DTNB: variants seen among roughly 807,000 people sequenced by gnomAD.
DTNB encodes the protein DTN-B.
A neutral mutation model predicts 90.7 loss-of-function variants in DTNB; 63 were observed. The observed-to-expected ratio is 0.69, with a 90% CI of 0.57 to 0.86. The LOEUF is 0.86. Among genes scored for constraint, DTNB ranks in the 40% least tolerant of loss-of-function variants. DTNB has a pLI of 0.00. For missense variants in DTNB, 744 were observed against 807.1 expected, an observed-to-expected ratio of 0.92 and a Z score of 0.95; for synonymous variants, 277 against 286.7, an observed-to-expected ratio of 0.97 and a Z score of 0.34.
chr2:25,458,122 C>T (rs1228426929), intron 10 of DTNB, among the ~76,000 whole-genome samples: 4 of 152,158 alleles, frequency 2.6e-5, no homozygotes, highest in Non-Finnish European at 5.9e-5. Context: ...TGTGAGCCAC[C>T]ATGCCTGGCT....
intron 9 of DTNB, among the ~76,000 whole-genome samples, chr2:25,489,134 C>G (rs1369783810): frequency 6.6e-6 from 1 of 152,174 alleles, no homozygotes; most frequent in African/African-American, 2.4e-5. Context: ...CCCTTGCGGC[C>G]AGACCACTCC....
intron 8 of DTNB, among the ~76,000 whole-genome samples, chr2:25,552,045 C>T (rs1028267238): frequency 2.0e-5 from 3 of 152,200 alleles, no homozygotes; most frequent in African/African-American, 4.8e-5. Flanking sequence ...AACATAACTG[C>T]TCATATCTCT....
rs139533107 is a variant in DTNB at position 25,498,723 on chromosome 2, T to C, written c.1002-15850A>G. 8.6e-3 allele frequency among the ~76,000 whole-genome samples: 1,296 copies of C among 151,164 alleles called. 19 individuals are homozygous for C. Among genetic ancestry groups the C allele is most frequent in the African/African-American group, 0.028 (1,146 of 41,108 alleles). On this transcript the variant is annotated intron_variant, in intron 9 of 20. Coordinates refer to ENST00000406818, the MANE Select transcript of DTNB (RefSeq NM_021907.5). ...ATTAGCCAGGTGTGGTGGTGCATTC[T>C]TGTGGTTCCAGCTATTCAGGAGGCT...
At chr2:25,593,268 A>G (rs930940866) in intron 6 of DTNB, among the ~76,000 whole-genome samples, 10 of 152,250 alleles carry the variant, frequency 6.6e-5, no homozygotes, top group African/African-American at 1.9e-4. Flanking sequence ...GTGCATATGA[A>G]AAAACAATGC....
At chr2:25,596,660 G>A (rs1230908991) in intron 5 of DTNB, among the ~76,000 whole-genome samples, 1 of 152,148 alleles carries the variant, frequency 6.6e-6, no homozygotes, top group Non-Finnish European at 1.5e-5. Flanking sequence ...GCATCTTGGT[G>A]ATAGGGTATG....
chr2:25,558,263 G>C (rs1218881161), intron 8 of DTNB: 2 of 985,184 alleles, frequency 2.0e-6, no homozygotes, highest in Non-Finnish European at 2.4e-6. Flanking sequence ...CAGAAAGCAT[G>C]AGGTATTCAG....
At chr2:25,560,498 C>A (rs748070181) in intron 8 of DTNB, among the ~76,000 whole-genome samples, 3 of 152,038 alleles carry the variant, frequency 2.0e-5, no homozygotes, top group African/African-American at 7.2e-5. Flanking sequence ...TGTCTTCAAA[C>A]GTCTGCCTTT....
intron 8 of DTNB, among the ~76,000 whole-genome samples, chr2:25,563,046 A>C (rs1034894959): frequency 1.2e-4 from 18 of 152,236 alleles, no homozygotes; most frequent in African/African-American, 4.1e-4. Flanking sequence ...CTGGGATTAC[A>C]GGCATGAGCC....
chr2:25,389,416 G>A (rs186839722), intron 16 of DTNB, among the ~76,000 whole-genome samples: 2 of 152,376 alleles, frequency 1.3e-5, no homozygotes, highest in African/African-American at 2.4e-5. Flanking sequence ...GCCACCCCGC[G>A]GGGACGAGGT....
chr2:25,550,596 AG>A (rs997091239), intron 8 of DTNB, among the ~76,000 whole-genome samples: 1 of 152,202 alleles, frequency 6.6e-6, no homozygotes, highest in Admixed American at 6.5e-5. Flanking sequence ...ATACCTTTTC[AG>A]TACTGGAAAT....
chr2:25,628,483 G>T, intron 3 of DTNB, 99 bp from the exon 4 acceptor site: 1 of 1,136,424 alleles, frequency 8.8e-7, no homozygotes, highest in South Asian at 1.6e-5. Context: ...TAAGTTTAAA[G>T]AGAAGAAACT....
intron 8 of DTNB, among the ~76,000 whole-genome samples, chr2:25,575,243 C>A (rs2384252): frequency 0.26 from 35,938 of 139,630 alleles, 5,377 homozygotes; most frequent in Admixed American, 0.35. Context: ...CACACACACA[C>A]AAAAAAAAAA....
At chr2:25,542,067 T>G (rs963225231) in intron 8 of DTNB, among the ~76,000 whole-genome samples, 2 of 152,212 alleles carry the variant, frequency 1.3e-5, no homozygotes, top group African/African-American at 4.8e-5. Flanking sequence ...CATGGATTAC[T>G]AAGGTTTTTG....
chr2:25,618,612 T>C (rs190366556), intron 4 of DTNB, among the ~76,000 whole-genome samples: 21 of 152,334 alleles, frequency 1.4e-4, no homozygotes, highest in African/African-American at 4.8e-4. Flanking sequence ...TAGGTCAACA[T>C]TTGAAATATA....
In DTNB at chr2:25,389,846, TTGTGTGTGTGTGTG is replaced by T. The variant is rs68107964; in HGVS notation, c.1576-1499_1576-1486del. The stretch of plus-strand genomic sequence containing the variant: ...TTCTGTGGTTCTTACTTTGAATCAT[TTGTGTGTGTGTGTG>T]TGTGTGTGTGTGTGTGTGTGTGTAT... On this transcript the variant is annotated intron_variant, in intron 16 of 20. Coordinates refer to ENST00000406818, the MANE Select transcript of DTNB (RefSeq NM_021907.5). Among the ~76,000 whole-genome samples, 21 of 96,118 alleles carry T rather than the reference TTGTGTGTGTGTGTG, an allele frequency of 2.2e-4. No homozygotes were observed. The South Asian group carries it at 3.6e-3, about 17-fold the overall frequency. The allele number at this position is 96,118 out of a possible 152,430, so 63.1% of individuals were successfully genotyped here. A position where few individuals can be genotyped will look rare whatever the true frequency, so the allele number is the denominator to read the frequency against.
chr2:25,653,631 C>CCA (rs1429226094), intron 1 of DTNB, among the ~76,000 whole-genome samples: 11 of 151,398 alleles, frequency 7.3e-5, no homozygotes, highest in African/African-American at 2.4e-4. Context: ...TGTGCCTCAG[C>CCA]CTCCTGAGTA....
intron 4 of DTNB, among the ~76,000 whole-genome samples, chr2:25,615,734 A>T (rs2148600198): frequency 6.6e-6 from 1 of 152,330 alleles, no homozygotes; most frequent in East Asian, 1.9e-4. Context: ...GGGCAGACCA[A>T]CATGTATATT....
At chr2:25,633,037 T>C (rs1001966290) in intron 3 of DTNB, among the ~76,000 whole-genome samples, 13 of 152,196 alleles carry the variant, frequency 8.5e-5, no homozygotes, top group Non-Finnish European at 4.4e-5. Context: ...ACTATGTACA[T>C]AGAAATCAAA....
chr2:25,392,394 A>G (rs1428740991), intron 16 of DTNB, among the ~76,000 whole-genome samples: 1 of 152,218 alleles, frequency 6.6e-6, no homozygotes, highest in Non-Finnish European at 1.5e-5. Flanking sequence ...TGGGCAACAG[A>G]GTGAGACTCC....
Sources: allele counts gnomAD v4.1 joint callset (sites outside exome capture counted in the v4.1 genomes callset), GRCh38; gene constraint gnomAD v4.1.1; transcripts MANE v1.5; gene names NCBI Gene and HGNC (gene_info 2026-07-23, HGNC 2026-07-21).